Variants in EIF3E observed in about 807,000 individuals in gnomAD.
EIF3E encodes eukaryotic translation initiation factor 3 subunit E.
Under a neutral mutation model 59.3 loss-of-function variants are expected in EIF3E, and 25 were observed. The ratio of observed to expected loss-of-function variants is 0.42; its 90% confidence interval spans 0.31 to 0.59. The LOEUF (loss-of-function observed/expected upper bound fraction) is 0.59. Ranked by LOEUF, EIF3E falls within the 20% of genes least tolerant of loss-of-function variation. The pLI, the probability that EIF3E is intolerant of heterozygous loss-of-function variation, is 0.15. For missense variants in EIF3E, 317 were observed against 534.3 expected, an observed-to-expected ratio of 0.59 and a Z score of 4.01; for synonymous variants, 176 against 170.2, an observed-to-expected ratio of 1.03 and a Z score of -0.26.
rs1264670759 is a variant in EIF3E, at chr8:108,220,992, C to A, written c.723-3532G>T. On this transcript the variant is annotated intron_variant, in intron 7 of 12. Coordinates refer to ENST00000220849, the MANE Select transcript of EIF3E (RefSeq NM_001568.3). ...GAGGCTGCAGTAAGCCAAGATTCCA[C>A]CACTGCACTCCAGACTGGGCGACAG... is the stretch of plus-strand genomic sequence containing the variant. Among the ~76,000 whole-genome samples, 3 of 151,964 alleles carry A rather than the reference C, an allele frequency of 2.0e-5. No individual in the cohort carries two copies. In the East Asian group the frequency reaches 5.8e-4, roughly 29 times the overall value.
At chr8:108,203,187 T>C (rs1815026905) in intron 11 of EIF3E, 70 bp from the exon 12 acceptor site, 1 of 1,547,934 alleles carries the variant, frequency 6.5e-7, no homozygotes, top group Admixed American at 1.9e-5. Flanking sequence ...GTAAAAAGCA[T>C]GACATACCTT....
chr8:108,239,720 A>G (rs1306765358), intron 3 of EIF3E, among the ~76,000 whole-genome samples: 2 of 152,222 alleles, frequency 1.3e-5, no homozygotes, highest in Non-Finnish European at 2.9e-5. Context: ...TTTCTGTAGT[A>G]TAATCAGTAT....
chr8:108,241,783 TA>T lies in EIF3E; in HGVS notation c.205+15del. On this transcript the variant is annotated intron_variant, in intron 2 of 12. Transcript: ENST00000220849. ...CAAGTCACAAGACAAGTTTCAGTTC[TA>T]ATGACAAAACTTACCATGAGGAATA... 1 of 1,484,436 alleles carries T rather than the reference TA, an allele frequency of 6.7e-7. No homozygotes were observed. Among genetic ancestry groups the T allele is most frequent in the Non-Finnish European group, 9.1e-7 (1 of 1,097,740 alleles). 92.0% of individuals were successfully genotyped at this position (1,484,436 alleles called of 1,614,324 possible). A position where few individuals can be genotyped will look rare whatever the true frequency, so the allele number is the denominator to read the frequency against.
intron 3 of EIF3E, among the ~76,000 whole-genome samples, chr8:108,237,208 G>A (rs893928501): frequency 2.6e-5 from 4 of 152,092 alleles, no homozygotes; most frequent in Admixed American, 1.3e-4. Flanking sequence ...AGACATCAAG[G>A]GACAGGGGAT....
intron 7 of EIF3E, among the ~76,000 whole-genome samples, chr8:108,218,782 C>CTTTTTTT (rs35642365): frequency 7.2e-5 from 8 of 111,122 alleles, no homozygotes; most frequent in East Asian, 2.7e-4. Flanking sequence ...TATTTTATTT[C>CTTTTTTT]TTTTTTTTTT....
chr8:108,218,782 C>CTTTTTTTT (rs35642365), intron 7 of EIF3E, among the ~76,000 whole-genome samples: 4 of 111,158 alleles, frequency 3.6e-5, no homozygotes, highest in Non-Finnish European at 7.1e-5. Context: ...TATTTTATTT[C>CTTTTTTTT]TTTTTTTTTT....
chr8:108,204,235 G>C (rs891718052), intron 10 of EIF3E, among the ~76,000 whole-genome samples: 11 of 151,912 alleles, frequency 7.2e-5, no homozygotes, highest in African/African-American at 2.4e-4. Context: ...GAAGACATAT[G>C]AAAAAGACAC....
At position 108,228,251 on chromosome 8, in the gene EIF3E, C is replaced by G. The variant is rs751373323; in HGVS notation, c.722+16G>C. On this transcript the variant is annotated intron_variant, in intron 7 of 12. Transcript: ENST00000220849. Reference sequence around the variant, plus strand: ...TTATCTAAACAAAGCCAAAATTACACAGTGAAATAACTTACTGTGGCTGAT... The same window carrying G: ...TTATCTAAACAAAGCCAAAATTACAGAGTGAAATAACTTACTGTGGCTGAT... The G allele has an allele frequency of 6.4e-7, 1 of 1,565,190 alleles. No individual in the cohort carries two copies. The highest frequency in any genetic ancestry group is 1.2e-5 in the South Asian group (1 of 82,082).
intron 7 of EIF3E, among the ~76,000 whole-genome samples, chr8:108,219,593 C>T (rs572158344): frequency 6.6e-6 from 1 of 152,070 alleles, no homozygotes; most frequent in Non-Finnish European, 1.5e-5. Context: ...AATGTAAAAA[C>T]GGCCAGGTGC....
chr8:108,217,477 A>G lies in EIF3E; in HGVS notation c.723-17T>C, dbSNP rs781078811. 1 of 1,572,190 alleles carries G rather than the reference A, an allele frequency of 6.4e-7. No homozygotes were observed. Among genetic ancestry groups the G allele is most frequent in the Non-Finnish European group, 8.6e-7 (1 of 1,161,720 alleles). ...TTAAGATATCTAAGAAAAAATATAAAAGTTATTTAATAACTTACCCAGGGT... is the reference window on the plus strand; with the variant it reads ...TTAAGATATCTAAGAAAAAATATAAGAGTTATTTAATAACTTACCCAGGGT... On this transcript the variant is annotated splice_polypyrimidine_tract_variant and intron_variant, in intron 7 of 12. Coordinates refer to ENST00000220849, the MANE Select transcript of EIF3E (RefSeq NM_001568.3).
chr8:108,222,175 T>TG (rs3837187), intron 7 of EIF3E, among the ~76,000 whole-genome samples: 76,171 of 151,810 alleles, frequency 0.5, 19,171 homozygotes, highest in African/African-American at 0.58. Context: ...CCCAAGTAGT[T>TG]GGGGCCACAG....
At chr8:108,237,185 T>C (rs1815749335) in intron 3 of EIF3E, among the ~76,000 whole-genome samples, 1 of 151,864 alleles carries the variant, frequency 6.6e-6, no homozygotes, top group Non-Finnish European at 1.5e-5. Flanking sequence ...AAAGACAAAC[T>C]AATAATAAAG....
intron 3 of EIF3E, among the ~76,000 whole-genome samples, chr8:108,239,651 CA>C (rs1362799297): frequency 2.0e-5 from 3 of 152,018 alleles, no homozygotes; most frequent in Non-Finnish European, 1.5e-5. Context: ...TTATGACAAC[CA>C]AAAAGTATTT....
intron 7 of EIF3E, among the ~76,000 whole-genome samples, chr8:108,220,572 A>C (rs1188175422): frequency 6.6e-6 from 1 of 152,214 alleles, no homozygotes; most frequent in Non-Finnish European, 1.5e-5. Context: ...CTACATATAA[A>C]CACTTTTGTT....
chr8:108,203,635 G>C (rs1815038627), intron 10 of EIF3E, 132 bp from the exon 11 acceptor site: 1 of 679,632 alleles, frequency 1.5e-6, no homozygotes, highest in African/African-American at 1.8e-5. Flanking sequence ...TATATACCAT[G>C]ACCCCTACTG....
intron 1 of EIF3E, among the ~76,000 whole-genome samples, chr8:108,247,744 T>A (rs1815974781): frequency 1.3e-5 from 2 of 152,178 alleles, no homozygotes; most frequent in South Asian, 2.1e-4. Context: ...TCTGAAAAAA[T>A]TCGAATTCCT....
At chr8:108,232,904 A>G (rs1586205762) in intron 5 of EIF3E, among the ~76,000 whole-genome samples, 1 of 152,226 alleles carries the variant, frequency 6.6e-6, no homozygotes, top group Admixed American at 6.5e-5. Context: ...CTAACATGAC[A>G]CTAAATCTTC....
chr8:108,220,001 G>A (rs1404994262), intron 7 of EIF3E, among the ~76,000 whole-genome samples: 3 of 152,048 alleles, frequency 2.0e-5, no homozygotes, highest in Admixed American at 6.6e-5. Context: ...AAATTACCCA[G>A]GTGTGGAGGC....
At chr8:108,238,356 T>C (rs1207646562) in intron 3 of EIF3E, among the ~76,000 whole-genome samples, 1 of 152,122 alleles carries the variant, frequency 6.6e-6, no homozygotes, top group Non-Finnish European at 1.5e-5. Context: ...CCCCCTCAAA[T>C]ACCAAAATCT....
Sources: allele counts gnomAD v4.1 joint callset (sites outside exome capture counted in the v4.1 genomes callset), GRCh38; gene constraint gnomAD v4.1.1; transcripts MANE v1.5; gene names NCBI Gene and HGNC (gene_info 2026-07-23, HGNC 2026-07-21).